RIN2: variants seen among roughly 807,000 people sequenced by gnomAD.
The protein encoded by RIN2 is RAB5 interacting protein 2.
RIN2 carries 36 observed loss-of-function variants against 78.0 expected under a neutral mutation model. That is an observed-to-expected ratio of 0.46 (90% CI 0.35 to 0.61). The LOEUF (loss-of-function observed/expected upper bound fraction) is 0.61. RIN2 is among the 20% of genes least tolerant of loss of function. The pLI, the probability that RIN2 is intolerant of heterozygous loss-of-function variation, is 0.00. For missense variants in RIN2, 1,087 were observed against 1,159.7 expected (o/e 0.94, Z 0.91); for synonymous variants, 466 against 466.8 (o/e 1.00, Z 0.02).
intron 7 of RIN2, among the ~76,000 whole-genome samples, chr20:19,967,698 T>C (rs1206292863): frequency 6.6e-6 from 1 of 152,202 alleles, no homozygotes; most frequent in African/African-American, 2.4e-5. Flanking sequence ...ACTAGAGTCA[T>C]TTGGAGTCTT....
At chr20:19,939,105 G>T (rs913648108) in intron 4 of RIN2, among the ~76,000 whole-genome samples, 3 of 152,212 alleles carry the variant, frequency 2.0e-5, no homozygotes, top group African/African-American at 7.2e-5. Flanking sequence ...GTGCAGTGGT[G>T]ACACGATCTC....
intron 3 of RIN2, among the ~76,000 whole-genome samples, chr20:19,910,337 TA>T (rs2039406529): frequency 6.6e-6 from 1 of 151,884 alleles, no homozygotes; most frequent in Admixed American, 6.6e-5. Context: ...CATGCCCAGC[TA>T]ATTTTTGTAT....
intron 3 of RIN2, among the ~76,000 whole-genome samples, chr20:19,933,749 T>G (rs1427043389): frequency 2.0e-5 from 3 of 152,334 alleles, no homozygotes; most frequent in Admixed American, 6.5e-5. Flanking sequence ...TTCTCTTTAG[T>G]GAGAACAGTG....
intron 2 of RIN2, among the ~76,000 whole-genome samples, chr20:19,808,904 G>C (rs536572211): frequency 6.6e-6 from 1 of 152,352 alleles, no homozygotes; most frequent in East Asian, 1.9e-4. Context: ...AAGAAGGGCA[G>C]AGCCGGCCTA....
intron 1 of RIN2, among the ~76,000 whole-genome samples, chr20:19,796,144 G>A (rs75201589): frequency 0.027 from 4,038 of 152,222 alleles, 94 homozygotes; most frequent in African/African-American, 0.065. Flanking sequence ...ACACAGGCAC[G>A]TACACATCCA....
intron 2 of RIN2, among the ~76,000 whole-genome samples, chr20:19,874,019 G>A (rs1288694181): frequency 6.6e-6 from 1 of 151,940 alleles, no homozygotes; most frequent in Non-Finnish European, 1.5e-5. Context: ...GTAAACAAGT[G>A]TCCTTTTTGA....
intron 3 of RIN2, among the ~76,000 whole-genome samples, chr20:19,903,266 G>A (rs904022169): frequency 6.6e-6 from 1 of 152,136 alleles, no homozygotes; most frequent in Non-Finnish European, 1.5e-5. Flanking sequence ...GGGAGCTTGA[G>A]GGATCATCGG....
At chr20:20,000,540 C>A in intron 12 of RIN2, 73 bp from the exon 13 acceptor site, 1 of 1,230,456 alleles carries the variant, frequency 8.1e-7, no homozygotes, top group East Asian at 2.3e-5. Flanking sequence ...GTTACCCCCT[C>A]CCCTGGTCCC....
intron 4 of RIN2, among the ~76,000 whole-genome samples, chr20:19,951,985 T>A (rs896955074): frequency 6.6e-6 from 1 of 152,210 alleles, no homozygotes; most frequent in Non-Finnish European, 1.5e-5. Flanking sequence ...TAGGTTGAGT[T>A]CCCTGGAAGG....
rs201551000 is a variant in RIN2, at chr20:19,974,822, A to T, written c.797A>T (p.Asn266Ile). Reference protein sequence around the residue: ...TPSELECSQTNGALCFINPLF... With the variant: ...TPSELECSQTIGALCFINPLF... ...TCAGAGCTGGAGTGCAGCCAGACCA[A>T]CGGGGCCCTGTGCTTTATTAATCCC... Residue 266 changes from asparagine to isoleucine, a missense_variant, in exon 9 of 13, where the codon AAC becomes ATC. Coordinates refer to ENST00000255006, the MANE Select transcript of RIN2 (RefSeq NM_018993.4). 5.4e-4 allele frequency: 874 copies of T among 1,614,004 alleles called. 2 individuals carry two copies. Among genetic ancestry groups the T allele is most frequent in the South Asian group, 9.4e-4 (86 of 91,080 alleles).
intron 3 of RIN2, among the ~76,000 whole-genome samples, chr20:19,900,965 A>AG (rs2038955655): frequency 6.6e-6 from 1 of 151,060 alleles, no homozygotes; most frequent in African/African-American, 2.4e-5. Context: ...AAAAAAAAAA[A>AG]AAAAAAAAGA....
intron 2 of RIN2, among the ~76,000 whole-genome samples, chr20:19,842,214 TTTGTTTG>T (rs1226612788): frequency 1.2e-3 from 3 of 2,544 alleles, no homozygotes; most frequent in East Asian, 6.9e-3. Context: ...CTTTGTTTTT[TTTGTTTG>T]TTTGTTTGTT....
intron 2 of RIN2, among the ~76,000 whole-genome samples, chr20:19,865,828 C>CACAT (rs563834103): frequency 7.9e-4 from 120 of 151,992 alleles, no homozygotes; most frequent in Non-Finnish European, 1.3e-3. Flanking sequence ...TAAAAATATA[C>CACAT]ACATACATAC....
At chr20:19,775,587 AT>A (rs1355821465) in intron 1 of RIN2, among the ~76,000 whole-genome samples, 1 of 152,256 alleles carries the variant, frequency 6.6e-6, no homozygotes, top group Admixed American at 6.5e-5. Flanking sequence ...GCCACAGTCC[AT>A]GTGCTATTTA....
At chr20:19,861,022 G>T (rs2037317360) in intron 2 of RIN2, among the ~76,000 whole-genome samples, 1 of 152,162 alleles carries the variant, frequency 6.6e-6, no homozygotes, top group Admixed American at 6.5e-5. Context: ...ATTCGGTCAG[G>T]TCTAAACCCA....
In RIN2 at chr20:20,001,229, A is replaced by G; in HGVS notation, c.*293A>G. ...TCAGGTTCTAGGTTGGCTTACAGGTATGTATATGTGCAGAAGAAACACTTA... is the reference window on the plus strand; with the variant it reads ...TCAGGTTCTAGGTTGGCTTACAGGTGTGTATATGTGCAGAAGAAACACTTA... On this transcript the variant is annotated 3_prime_UTR_variant, in exon 13 of 13. Transcript: ENST00000255006. 2.5e-6 allele frequency: 1 copy of G among 397,340 alleles called. No homozygotes were observed. The highest frequency in any genetic ancestry group is 4.6e-6 in the Non-Finnish European group (1 of 216,798). The allele number at this position is 397,340 out of a possible 1,614,324, so 24.6% of individuals were successfully genotyped here. A position where few individuals can be genotyped will look rare whatever the true frequency, so the allele number is the denominator to read the frequency against.
rs137902933 is a variant in RIN2 at position 19,823,146 on chromosome 20, G to A, written c.-37+23399G>A. ...AAAGTCACGCCTTTAGTGATTCCCTGGGATGGCCCTTCCCTGGTTTAATAG... is the reference window on the plus strand; with the variant it reads ...AAAGTCACGCCTTTAGTGATTCCCTAGGATGGCCCTTCCCTGGTTTAATAG... On this transcript the variant is annotated intron_variant, in intron 2 of 12. Coordinates refer to ENST00000255006, the MANE Select transcript of RIN2 (RefSeq NM_018993.4). 1.1e-4 allele frequency among the ~76,000 whole-genome samples: 17 copies of A among 152,258 alleles called. No individual in the cohort carries two copies. The East Asian group carries it at 3.3e-3, about 29-fold the overall frequency.
chr20:19,960,805 A>G lies in RIN2; in HGVS notation c.457A>G (p.Thr153Ala). Residue 153 changes from threonine (T) to alanine (A), a missense_variant, in exon 6 of 13, where the codon ACA (threonine) becomes GCA (alanine). Coordinates refer to ENST00000255006, the MANE Select transcript of RIN2 (RefSeq NM_018993.4). ...CAAGGAATTTGCCATAAAGGAAAGC[A>G]CATACAGTAAGTGGTCATTGGATGC... ...PLKEFAIKES[T>A]YTFSLEGSGI... 6.3e-7 allele frequency: 1 copy of G among 1,585,786 alleles called. No individual in the cohort carries two copies. Among genetic ancestry groups the G allele is most frequent in the Non-Finnish European group, 8.6e-7 (1 of 1,163,422 alleles).
At chr20:19,893,554 T>G (rs138791537) in intron 3 of RIN2, among the ~76,000 whole-genome samples, 225 of 152,296 alleles carry the variant, frequency 1.5e-3, no homozygotes, top group African/African-American at 5.0e-3. Flanking sequence ...TCCTGGCTCA[T>G]GGACATGACT....
Sources: allele counts gnomAD v4.1 joint callset (sites outside exome capture counted in the v4.1 genomes callset), GRCh38; gene constraint gnomAD v4.1.1; transcripts MANE v1.5; gene names NCBI Gene and HGNC (gene_info 2026-07-23, HGNC 2026-07-21).